Variants in FAAP20 observed in about 807,000 individuals in gnomAD.
The protein encoded by FAAP20 is FA core complex associated protein 20, also known as Fanconi anemia core complex-associated protein 20.
Under a neutral mutation model 16.2 loss-of-function variants are expected in FAAP20, and 12 were observed. The observed-to-expected ratio is 0.74, with a 90% CI of 0.48 to 1.20. The LOEUF is 1.20. Among genes scored for constraint, FAAP20 ranks in the 50% most tolerant of loss-of-function variants. FAAP20 has a pLI of 0.00. For missense variants in FAAP20, 288 were observed against 245.8 expected (o/e 1.17, Z -1.15); for synonymous variants, 141 against 110.7 (o/e 1.27, Z -1.72).
chr1:2,198,494 G>T, upstream of FAAP20: 2 of 440,004 alleles, frequency 4.5e-6, no homozygotes, highest in Non-Finnish European at 7.6e-6. Flanking sequence ...AAGTGTCCCA[G>T]CCACTGGCAT....
upstream of FAAP20, among the ~76,000 whole-genome samples, chr1:2,196,949 C>T (rs919934595): frequency 1.3e-5 from 2 of 152,226 alleles, no homozygotes; most frequent in Non-Finnish European, 2.9e-5. This position sits in a 1 kb window ranked among gnomAD's most constrained non-coding sequence, Gnocchi z 4.5. Context: ...CCTCTCCCTT[C>T]CCCACTCTGG....
At chr1:2,209,963 C>T (rs1689392338), downstream of FAAP20, among the ~76,000 whole-genome samples, 1 of 152,208 alleles carries the variant, frequency 6.6e-6, no homozygotes, top group Non-Finnish European at 1.5e-5. Context: ...GCTCACGGGG[C>T]CTCTGTCCCA....
downstream of FAAP20, among the ~76,000 whole-genome samples, chr1:2,211,900 CTTTTTTT>C (rs60874812): frequency 3.0e-5 from 3 of 99,014 alleles, no homozygotes; most frequent in African/African-American, 1.0e-4. Flanking sequence ...CAAGCTGCTG[CTTTTTTT>C]TTTTTTTTTT....
downstream of FAAP20, among the ~76,000 whole-genome samples, chr1:2,186,485 C>A (rs1687606737): frequency 7.1e-6 from 1 of 141,258 alleles, no homozygotes; most frequent in African/African-American, 2.7e-5. Context: ...GGCCCGAGAC[C>A]CTGGACACCC....
downstream of FAAP20, among the ~76,000 whole-genome samples, chr1:2,209,825 G>T (rs1300772571): frequency 6.6e-6 from 1 of 152,146 alleles, no homozygotes; most frequent in Non-Finnish European, 1.5e-5. Context: ...CAGGCTCCCA[G>T]CCTTCCAGCC....
chr1:2,184,992 A>T, downstream of FAAP20: 1 of 1,613,412 alleles, frequency 6.2e-7, no homozygotes, highest in Non-Finnish European at 8.5e-7. Context: ...ATTGCTGTCC[A>T]CCGAGGAGTC....
At chr1:2,194,233 G>A (rs565012410) in intron 1 of FAAP20, 100 bp from the exon 2 acceptor site, 9 of 1,485,192 alleles carry the variant, frequency 6.1e-6, no homozygotes, top group Non-Finnish European at 6.3e-6. Context: ...GGGGAGATGG[G>A]GGGTACTAGA....
chr1:2,193,556 C>T, intron 3 of FAAP20, 83 bp downstream of exon 3: 1 of 1,544,320 alleles, frequency 6.5e-7, no homozygotes, highest in Admixed American at 2.2e-5. Context: ...GCGCTGAGCT[C>T]GGCCACCTCT....
chr1:2,196,730 C>T (rs1408446261), upstream of FAAP20, among the ~76,000 whole-genome samples: 1 of 152,206 alleles, frequency 6.6e-6, no homozygotes, highest in Non-Finnish European at 1.5e-5. This position sits in a 1 kb window ranked among gnomAD's most constrained non-coding sequence, Gnocchi z 4.5. Flanking sequence ...ATCCCAACTA[C>T]TTGGGTGGCT....
chr1:2,201,188 C>A, upstream of FAAP20: 2 of 1,245,068 alleles, frequency 1.6e-6, no homozygotes, highest in Non-Finnish European at 2.1e-6. Context: ...CACAGAGGAG[C>A]CGTGGGGTGG....
chr1:2,187,696 C>T (rs1687746438), downstream of FAAP20, among the ~76,000 whole-genome samples: 1 of 152,100 alleles, frequency 6.6e-6, no homozygotes, highest in South Asian at 2.1e-4. Flanking sequence ...ATGCCCCTGC[C>T]CTGCCCGTCC....
downstream of FAAP20, chr1:2,187,031 G>A (rs895922645): frequency 1.1e-5 from 4 of 352,996 alleles, no homozygotes; most frequent in African/African-American, 4.4e-5. Context: ...CGGTCACGAC[G>A]GTGTCTTTTG....
At chr1:2,198,325 G>A, upstream of FAAP20, 1 of 492,428 alleles carries the variant, frequency 2.0e-6, no homozygotes, top group Non-Finnish European at 3.3e-6. Flanking sequence ...TCCCGCACCT[G>A]CAGACCGGTG....
upstream of FAAP20, chr1:2,198,252 G>T: frequency 9.2e-7 from 1 of 1,089,642 alleles, no homozygotes; most frequent in Non-Finnish European, 1.2e-6. Flanking sequence ...GTGGGAGTTT[G>T]CATCCCAGGC....
rs376098288 is a variant in FAAP20, at chr1:2,189,710, C to G, written c.542G>C (p.Ter181SerextTer52). 1.2e-6 allele frequency: 2 copies of G among 1,609,130 alleles called. No individual in the cohort carries two copies. Among genetic ancestry groups the G allele is most frequent in the South Asian group, 2.2e-5 (2 of 91,048 alleles). Reference sequence around the variant, plus strand: ...CTGCGCAGGGCTCTTGGATGGCGCTCACCACGTCACGTCTTCTGTGCTTTC... The same window carrying G: ...CTGCGCAGGGCTCTTGGATGGCGCTGACCACGTCACGTCTTCTGTGCTTTC... ...LAESTEDVTW* is the reference protein window; with the variant it reads ...LAESTEDVTWS The change falls in exon 4 of 4, where the codon TGA becomes TCA. Residue 181 changes from the stop codon to serine (S), a stop_lost. Coordinates refer to ENST00000378546, the MANE Select transcript of FAAP20 (RefSeq NM_182533.4).
downstream of FAAP20, among the ~76,000 whole-genome samples, chr1:2,207,941 T>C (rs945131526): frequency 1.1e-4 from 14 of 124,096 alleles, no homozygotes; most frequent in East Asian, 4.6e-4. Flanking sequence ...TGTGTGTGTG[T>C]GTGTGTGTGT....
intron 3 of FAAP20, chr1:2,192,517 C>T: frequency 1.0e-6 from 1 of 1,002,572 alleles, no homozygotes; most frequent in African/African-American, 1.7e-5. Flanking sequence ...GATGCAAAGA[C>T]AAAAGCCCCT....
chr1:2,190,033 G>A (rs920387645), intron 3 of FAAP20: 20 of 601,114 alleles, frequency 3.3e-5, no homozygotes, highest in South Asian at 8.7e-5. Context: ...GGGAAGCTGT[G>A]TCTCAACAAG....
downstream of FAAP20, chr1:2,184,546 C>T (rs772971154): frequency 1.1e-5 from 17 of 1,531,510 alleles, no homozygotes; most frequent in African/African-American, 5.5e-5. Flanking sequence ...GGATGATGCC[C>T]GCGCGGAGCT....
Sources: allele counts gnomAD v4.1 joint callset (sites outside exome capture counted in the v4.1 genomes callset), GRCh38; gene constraint gnomAD v4.1.1; non-coding constraint Gnocchi (gnomAD v3.1); transcripts MANE v1.5; gene names NCBI Gene and HGNC (gene_info 2026-07-23, HGNC 2026-07-21).